TANGO6: variants seen among roughly 807,000 people sequenced by gnomAD.
The protein encoded by TANGO6 is transport and golgi organization 6 homolog.
In TANGO6, 90 loss-of-function variants were observed where a neutral mutation model predicts 114.2. The observed-to-expected ratio is 0.79, with a 90% CI of 0.66 to 0.94. The LOEUF (loss-of-function observed/expected upper bound fraction) is 0.94. TANGO6 is among the 40% of genes least tolerant of loss of function. The pLI is 0.00. For synonymous variants in TANGO6, 477 were observed against 509.8 expected (o/e 0.94, Z 0.87); for missense variants, 1,274 against 1,315.3 (o/e 0.97, Z 0.49).
intron 7 of TANGO6, among the ~76,000 whole-genome samples, chr16:68,899,698 C>A (rs958127308): frequency 6.6e-6 from 1 of 151,998 alleles, no homozygotes; most frequent in Non-Finnish European, 1.5e-5. Flanking sequence ...TTCCTGGGCT[C>A]AAGCGATCCT....
chr16:68,917,402 C>T (rs908943950), intron 11 of TANGO6, among the ~76,000 whole-genome samples: 1 of 152,134 alleles, frequency 6.6e-6, no homozygotes, highest in African/African-American at 2.4e-5. Context: ...AAGTTTTCAA[C>T]TCATTTGGAT....
In TANGO6 at chr16:68,981,631, T is replaced by G. The variant is rs1021784802; in HGVS notation, c.2842+7463T>G. On this transcript the variant is annotated intron_variant, in intron 15 of 17. Coordinates refer to ENST00000261778, the MANE Select transcript of TANGO6 (RefSeq NM_024562.2). ...GGTCATTGGGATGTTACTTGGCAAA[T>G]TGAATTAAATCAAAAGGGATTATTA... Among the ~76,000 whole-genome samples the G allele has an allele frequency of 3.9e-5, 6 of 152,344 alleles. No individual in the cohort carries two copies. The South Asian group carries it at 1.2e-3, about 32-fold the overall frequency.
intron 17 of TANGO6, among the ~76,000 whole-genome samples, chr16:69,077,819 G>A (rs1960403144): frequency 6.6e-6 from 1 of 152,094 alleles, no homozygotes; most frequent in South Asian, 2.1e-4. Flanking sequence ...AACAGAGCGA[G>A]ACTCTTTCTC....
intron 16 of TANGO6, among the ~76,000 whole-genome samples, chr16:69,039,814 T>C (rs560314330): frequency 6.6e-6 from 1 of 152,300 alleles, no homozygotes; most frequent in African/African-American, 2.4e-5. Context: ...TTTCTGTAAC[T>C]CTTTATTCCC....
chr16:69,000,407 A>G (rs1336858962), intron 15 of TANGO6, among the ~76,000 whole-genome samples: 1 of 152,188 alleles, frequency 6.6e-6, no homozygotes, highest in East Asian at 1.9e-4. Context: ...AAATAGAATC[A>G]CTGGTAGTCT....
At chr16:68,958,230 C>T (rs1347651475) in intron 14 of TANGO6, among the ~76,000 whole-genome samples, 1 of 150,874 alleles carries the variant, frequency 6.6e-6, no homozygotes, top group African/African-American at 2.4e-5. Flanking sequence ...CAGTCACTCG[C>T]GCCTGTAATC....
intron 15 of TANGO6, 141 bp downstream of exon 15, chr16:68,974,309 A>C: frequency 1.1e-6 from 1 of 931,308 alleles, no homozygotes; most frequent in Non-Finnish European, 1.6e-6. Flanking sequence ...TTAGGAATTT[A>C]GGAAATATTC....
At chr16:69,070,607 C>T (rs1449346527) in intron 17 of TANGO6, among the ~76,000 whole-genome samples, 6 of 141,850 alleles carry the variant, frequency 4.2e-5, no homozygotes, top group South Asian at 2.3e-4. Context: ...CACTCCAGCC[C>T]GGGTGACAGA....
chr16:68,961,268 C>A (rs990955034), intron 14 of TANGO6, among the ~76,000 whole-genome samples: 1 of 152,158 alleles, frequency 6.6e-6, no homozygotes, highest in Non-Finnish European at 1.5e-5. Context: ...AGTATGATTC[C>A]GGTAGTTATT....
chr16:69,080,551 A>G (rs1214414638), intron 17 of TANGO6, among the ~76,000 whole-genome samples: 1 of 152,204 alleles, frequency 6.6e-6, no homozygotes, highest in Non-Finnish European at 1.5e-5. Context: ...CCCTGTCTAA[A>G]AAAACTGGGG....
intron 14 of TANGO6, among the ~76,000 whole-genome samples, chr16:68,962,166 C>T (rs1265994967): frequency 6.6e-6 from 1 of 152,208 alleles, no homozygotes; most frequent in Non-Finnish European, 1.5e-5. Context: ...TAACCAACTT[C>T]CCCAGTTTGT....
chr16:68,903,572 C>T (rs1430093718), intron 9 of TANGO6, among the ~76,000 whole-genome samples: 3 of 139,854 alleles, frequency 2.1e-5, no homozygotes, highest in Non-Finnish European at 4.5e-5. Flanking sequence ...GAGCTGGGAT[C>T]GTACCACTGC....
intron 17 of TANGO6, among the ~76,000 whole-genome samples, chr16:69,060,549 T>C (rs144336134): frequency 1.2e-3 from 185 of 151,296 alleles, no homozygotes; most frequent in African/African-American, 4.2e-3. Flanking sequence ...GAATTATCAT[T>C]GTGCCACTGC....
chr16:68,921,583 C>A (rs1225928313), intron 12 of TANGO6, among the ~76,000 whole-genome samples: 1 of 81,504 alleles, frequency 1.2e-5, no homozygotes, highest in East Asian at 3.2e-4. Context: ...TTTGAATAGT[C>A]TTTTTCCACA....
chr16:69,023,029 C>A lies in TANGO6; in HGVS notation c.2994+50C>A, dbSNP rs377247268. Reference sequence around the variant, plus strand: ...TAAAGCGTGTTTTCACTTGGACCTACGATGCATCTTGAGATTGGGAGTCAG... The same window carrying A: ...TAAAGCGTGTTTTCACTTGGACCTAAGATGCATCTTGAGATTGGGAGTCAG... On this transcript the variant is annotated intron_variant, in intron 16 of 17. Transcript: ENST00000261778. 4.0e-6 allele frequency: 6 copies of A among 1,481,826 alleles called. No homozygotes were observed. The South Asian group carries it at 5.7e-5, about 14-fold the overall frequency. 91.8% of individuals were successfully genotyped at this position (1,481,826 alleles called of 1,614,324 possible).
chr16:69,045,928 G>A (rs1368030526), intron 17 of TANGO6, among the ~76,000 whole-genome samples: 1 of 151,138 alleles, frequency 6.6e-6, no homozygotes, highest in Non-Finnish European at 1.5e-5. Flanking sequence ...GCCGGGCGTG[G>A]TGTCACGCAT....
intron 15 of TANGO6, among the ~76,000 whole-genome samples, chr16:68,982,161 G>A (rs950892043): frequency 1.3e-5 from 2 of 152,070 alleles, no homozygotes; most frequent in Non-Finnish European, 2.9e-5. Flanking sequence ...TAGAACCCAC[G>A]TGGGCCATTC....
chr16:68,966,365 G>A (rs1963645549), intron 14 of TANGO6, among the ~76,000 whole-genome samples: 1 of 152,076 alleles, frequency 6.6e-6, no homozygotes, highest in African/African-American at 2.4e-5. Context: ...TTAGCCGAGT[G>A]TGGTGGTGCG....
chr16:69,046,422 G>T (rs938410930), intron 17 of TANGO6, among the ~76,000 whole-genome samples: 1 of 151,720 alleles, frequency 6.6e-6, no homozygotes, highest in African/African-American at 2.4e-5. Context: ...CTATTCAAGC[G>T]ATTCTTCCAC....
Sources: allele counts gnomAD v4.1 joint callset (sites outside exome capture counted in the v4.1 genomes callset), GRCh38; gene constraint gnomAD v4.1.1; transcripts MANE v1.5; gene names NCBI Gene and HGNC (gene_info 2026-07-23, HGNC 2026-07-21).